The following CNTN5 variants were observed in gnomAD, a reference collection of about 807,000 sequenced individuals.
The protein encoded by CNTN5 is contactin 5, also known as contactin-5.
Under a neutral mutation model 129.1 loss-of-function variants are expected in CNTN5, and 77 were observed. The observed-to-expected ratio is 0.60, with a 90% CI of 0.50 to 0.72. CNTN5 has a LOEUF of 0.72. CNTN5 is among the 30% of genes least tolerant of loss of function. The pLI is 0.00. For missense variants in CNTN5, 1,478 were observed against 1,328.8 expected, an observed-to-expected ratio of 1.11 and a Z score of -1.75; for synonymous variants, 509 against 465.6, an observed-to-expected ratio of 1.09 and a Z score of -1.20.
chr11:99,845,366 CTTTTTTTTTT>C (rs869305728), intron 6 of CNTN5, 104 bp downstream of exon 6: 4 of 86,198 alleles, frequency 4.6e-5, no homozygotes, highest in African/African-American at 9.9e-5. Context: ...GATCTCAAAT[CTTTTTTTTTT>C]TTTTTTTTTT....
At chr11:99,851,429 A>G (rs1445067583) in intron 6 of CNTN5, among the ~76,000 whole-genome samples, 1 of 152,156 alleles carries the variant, frequency 6.6e-6, no homozygotes, top group Non-Finnish European at 1.5e-5. Context: ...CAGCTACTGT[A>G]GTGATTTCTC....
At chr11:99,278,429 A>T (rs1863547518) in intron 1 of CNTN5, among the ~76,000 whole-genome samples, 1 of 151,728 alleles carries the variant, frequency 6.6e-6, no homozygotes, top group African/African-American at 2.4e-5. Flanking sequence ...TTCCTAAAAA[A>T]TAAGATAATT....
intron 16 of CNTN5, among the ~76,000 whole-genome samples, chr11:100,225,992 G>C (rs182641318): frequency 6.6e-6 from 1 of 152,076 alleles, no homozygotes; most frequent in Admixed American, 6.6e-5. Context: ...TTAAAGAAGT[G>C]TGTTATTGGG....
At chr11:99,920,243 CT>C (rs1269564933) in intron 7 of CNTN5, among the ~76,000 whole-genome samples, 2 of 152,106 alleles carry the variant, frequency 1.3e-5, no homozygotes, top group East Asian at 3.9e-4. Flanking sequence ...TCCACTCTTT[CT>C]TCTTAATCTC....
chr11:100,044,165 A>G (rs1237559089), intron 9 of CNTN5, among the ~76,000 whole-genome samples: 6 of 47,834 alleles, frequency 1.3e-4, no homozygotes, highest in African/African-American at 5.7e-4. Context: ...TATATTACAT[A>G]TCATGTATAT....
chr11:99,854,178 C>T (rs1947962016), intron 6 of CNTN5, among the ~76,000 whole-genome samples: 1 of 152,124 alleles, frequency 6.6e-6, no homozygotes, highest in Non-Finnish European at 1.5e-5. Flanking sequence ...CCTGGAATAC[C>T]TGACCACTTT....
At chr11:100,026,525 G>A (rs912133478) in intron 9 of CNTN5, among the ~76,000 whole-genome samples, 1 of 152,140 alleles carries the variant, frequency 6.6e-6, no homozygotes, top group Non-Finnish European at 1.5e-5. Flanking sequence ...AGTTCTTCTT[G>A]TTCTATTCCT....
chr11:99,691,030 T>C (rs1484582748), intron 3 of CNTN5, among the ~76,000 whole-genome samples: 2 of 152,138 alleles, frequency 1.3e-5, no homozygotes, highest in African/African-American at 4.8e-5. Flanking sequence ...TTCTAGATTT[T>C]CTTGTTACTT....
chr11:99,228,291 A>G (rs879768872), intron 1 of CNTN5, among the ~76,000 whole-genome samples: 2 of 152,110 alleles, frequency 1.3e-5, no homozygotes, highest in African/African-American at 2.4e-5. Context: ...GGTAGAGAGT[A>G]GAATGATAGT....
intron 3 of CNTN5, among the ~76,000 whole-genome samples, chr11:99,561,327 A>G (rs1202327198): frequency 6.6e-6 from 1 of 152,156 alleles, no homozygotes; most frequent in Non-Finnish European, 1.5e-5. Flanking sequence ...AAATAAATAA[A>G]TATTGGGTTA....
chr11:100,076,996 A>G (rs1944157024), intron 13 of CNTN5, among the ~76,000 whole-genome samples: 1 of 152,180 alleles, frequency 6.6e-6, no homozygotes, highest in Admixed American at 6.6e-5. Context: ...ATAAGAAGAC[A>G]CATAGTTGAA....
At chr11:100,133,050 A>G (rs1399257645) in intron 13 of CNTN5, among the ~76,000 whole-genome samples, 1 of 152,144 alleles carries the variant, frequency 6.6e-6, no homozygotes, top group African/African-American at 2.4e-5. Context: ...TTTTAATGAT[A>G]TTACAAAATG....
At chr11:99,567,746 T>A (rs1189832574) in intron 3 of CNTN5, among the ~76,000 whole-genome samples, 1 of 152,222 alleles carries the variant, frequency 6.6e-6, no homozygotes, top group Non-Finnish European at 1.5e-5. Flanking sequence ...GAAGTTATGA[T>A]GATAATGGAG....
intron 16 of CNTN5, among the ~76,000 whole-genome samples, chr11:100,240,639 A>G (rs1226788731): frequency 6.6e-6 from 1 of 152,212 alleles, no homozygotes; most frequent in Non-Finnish European, 1.5e-5. Context: ...GCTTATTTCC[A>G]TGATCATGAA....
At chr11:99,844,732 T>C (rs1947626645) in intron 4 of CNTN5, 120 bp from the exon 5 acceptor site, 1 of 867,886 alleles carries the variant, frequency 1.2e-6, no homozygotes, top group East Asian at 2.5e-5. Flanking sequence ...TTTGGGAATT[T>C]ACCTGTTGAT....
chr11:99,260,992 T>C (rs964926318), intron 1 of CNTN5, among the ~76,000 whole-genome samples: 32 of 151,950 alleles, frequency 2.1e-4, no homozygotes, highest in African/African-American at 7.7e-4. Context: ...TGAATCAGTA[T>C]TTATAGATAA....
At position 99,060,968 on chromosome 11, in the gene CNTN5, G is replaced by A. The variant is rs540775977; in HGVS notation, c.-210+39698G>A. Among the ~76,000 whole-genome samples the A allele has an allele frequency of 3.4e-4, 52 of 152,042 alleles. 1 individual carries two copies. The highest frequency in any genetic ancestry group is 2.1e-3 in the South Asian group (10 of 4,818). ...ATTCCTACTATTCTAATCTCCCTGC[G>A]TCTCTTCCTCCAAACTCCAACCCCT... On this transcript the variant is annotated intron_variant, in intron 1 of 24. Transcript: ENST00000524871.
At position 99,091,021 on chromosome 11, in the gene CNTN5, C is replaced by CAAAAAAAAA. The variant is rs68113369; in HGVS notation, c.-210+69766_-210+69774dup. Among the ~76,000 whole-genome samples, 305 of 56,744 alleles carry CAAAAAAAAA rather than the reference C, an allele frequency of 5.4e-3. 19 individuals carry two copies. Among genetic ancestry groups the CAAAAAAAAA allele is most frequent in the African/African-American group, 0.011 (147 of 13,636 alleles). 37.2% of individuals were successfully genotyped at this position (56,744 alleles called of 152,430 possible). On this transcript the variant is annotated intron_variant, in intron 1 of 24. Transcript: ENST00000524871. ...TGGGCGACAGAGCGAGACTCCGTCT[C>CAAAAAAAAA]AAAAAAAAAAAAAAAAAAAAAAAGC...
intron 13 of CNTN5, among the ~76,000 whole-genome samples, chr11:100,095,498 T>A (rs1452718272): frequency 6.6e-6 from 1 of 152,126 alleles, no homozygotes; most frequent in Non-Finnish European, 1.5e-5. Context: ...ACATCATGGG[T>A]CATGTCCATG....
Sources: gnomAD v4.1 joint callset for allele counts (sites outside exome capture counted in the v4.1 genomes callset) on GRCh38, gnomAD v4.1.1 for gene constraint, MANE v1.5 for transcripts, NCBI Gene and HGNC (gene_info 2026-07-23, HGNC 2026-07-21) for gene names.